The following TRIM63 variants were observed in gnomAD, a reference collection of about 807,000 sequenced individuals.
TRIM63 encodes the protein tripartite motif containing 63, also known as E3 ubiquitin-protein ligase TRIM63.
In TRIM63, 48 loss-of-function variants were observed where a neutral mutation model predicts 46.0. The ratio of observed to expected loss-of-function variants is 1.04; its 90% CI spans 0.83 to 1.33. The LOEUF (loss-of-function observed/expected upper bound fraction) is 1.33. Ranked by LOEUF, TRIM63 falls within the 40% of genes most tolerant of loss-of-function variation. The pLI is 0.00. For synonymous variants in TRIM63, 175 were observed against 162.8 expected, an observed-to-expected ratio of 1.08 and a Z score of -0.57; for missense variants, 455 against 441.2, an observed-to-expected ratio of 1.03 and a Z score of -0.28.
At chr1:26,058,227 T>TG (rs977803114) in intron 5 of TRIM63, among the ~76,000 whole-genome samples, 163 bp downstream of exon 5, 1 of 152,156 alleles carries the variant, frequency 6.6e-6, no homozygotes, top group Non-Finnish European at 1.5e-5. Flanking sequence ...AAGAGGAAGG[T>TG]GGGGGGTGTT....
At chr1:26,063,083 T>G (rs1297435027) in intron 2 of TRIM63, among the ~76,000 whole-genome samples, 4 of 151,862 alleles carry the variant, frequency 2.6e-5, no homozygotes, top group South Asian at 2.1e-4. Flanking sequence ...TTTGTTTGTT[T>G]GTTTTGAGAC....
chr1:26,058,771 T>C (rs1485801688), intron 4 of TRIM63, 148 bp from the exon 5 acceptor site: 3 of 668,862 alleles, frequency 4.5e-6, no homozygotes, highest in Non-Finnish European at 7.8e-6. Flanking sequence ...AACAAAGACT[T>C]AACAAGAAGA....
chr1:26,060,856 C>A (rs543803114), intron 3 of TRIM63, among the ~76,000 whole-genome samples: 1 of 152,226 alleles, frequency 6.6e-6, no homozygotes, highest in East Asian at 1.9e-4. Context: ...AGGTGAGAGG[C>A]ACAGGAAGAG....
intron 6 of TRIM63, 99 bp downstream of exon 6, chr1:26,057,529 G>A: frequency 6.9e-7 from 1 of 1,452,542 alleles, no homozygotes; most frequent in Non-Finnish European, 9.3e-7. Context: ...CCTAGAGTGA[G>A]ACCCTCCCAG....
At position 26,066,610 on chromosome 1, in the gene TRIM63, G is replaced by A. The variant is rs372192322; in HGVS notation, c.160-170C>T. ...CAGTCCTCACACACAGAGCACCTGA[G>A]AAGCAGCTAAGCAATCGTCAGGATG... On this transcript the variant is annotated intron_variant, in intron 1 of 8. Transcript: ENST00000374272. 1.4e-4 allele frequency among the ~76,000 whole-genome samples: 22 copies of A among 152,314 alleles called. No individual in the cohort carries two copies. The East Asian group carries it at 2.9e-3, about 20-fold the overall frequency.
At position 26,066,409 on chromosome 1, in the gene TRIM63, CT is replaced by C. The variant is rs768744104; in HGVS notation, c.190del (p.Ser64AlafsTer19). 6.2e-7 allele frequency: 1 copy of C among 1,604,660 alleles called. No homozygotes were observed. The highest frequency in any genetic ancestry group is 8.5e-7 in the Non-Finnish European group (1 of 1,174,566). On this transcript the variant is annotated frameshift_variant, in exon 2 of 9. Transcript: ENST00000374272. LOFTEE classifies it high-confidence loss of function. ...ACGGCCTCCAGACATGGACACTGAG[CT>C]GCCCCGGCTGGTCCAGTAGGGATTT... ...AANPYWTSRG[S>X]SVSMSGGRFR...
chr1:26,052,653 G>T (rs2124434294), intron 8 of TRIM63, among the ~76,000 whole-genome samples: 1 of 152,002 alleles, frequency 6.6e-6, no homozygotes, highest in East Asian at 2.0e-4. Context: ...TTTTAGTAGA[G>T]ACGGGGTTTC....
intron 8 of TRIM63, 59 bp from the exon 9 acceptor site, chr1:26,051,942 AG>A (rs2050526697): frequency 7.9e-7 from 1 of 1,271,262 alleles, no homozygotes. Flanking sequence ...GGAGGATCCA[AG>A]GCTTACCAAG....
chr1:26,053,938 C>T lies in TRIM63; in HGVS notation c.1006G>A (p.Glu336Lys). 4 of 1,593,982 alleles carry T rather than the reference C, an allele frequency of 2.5e-6. No homozygotes were observed. In the South Asian group the frequency reaches 3.4e-5, roughly 14 times the overall value. Residue 336 changes from glutamate (E) to lysine (K), a missense_variant, in exon 8 of 9, where the codon GAA (glutamate) becomes AAA (lysine). By Grantham distance (56) the Glu-to-Lys change is moderately conservative. Coordinates refer to ENST00000374272, the MANE Select transcript of TRIM63 (RefSeq NM_032588.4). ...TDEEEEEFIE[E>K]EDQEEEESTE... ...GACTCTTCCTCTTCCTGATCTTCTT[C>T]TTCAATGAATTCTTCCTCTTCCTCA...
In TRIM63 at chr1:26,060,376, G is replaced by A; in HGVS notation, c.502-15C>T. 1 of 1,609,398 alleles carries A rather than the reference G, an allele frequency of 6.2e-7. No homozygotes were observed. Among genetic ancestry groups the A allele is most frequent in the Non-Finnish European group, 8.5e-7 (1 of 1,176,088 alleles). On this transcript the variant is annotated splice_polypyrimidine_tract_variant and intron_variant, in intron 3 of 8. Transcript: ENST00000374272. ...TTCAGTTCAGTCTAGATGGGGGTGT[G>A]GGGGTCAGGAGAGGAGAGACACAAA...
intron 8 of TRIM63, among the ~76,000 whole-genome samples, 189 bp from the exon 9 acceptor site, chr1:26,052,072 A>T (rs1365429415): frequency 6.6e-6 from 1 of 152,256 alleles, no homozygotes; most frequent in Admixed American, 6.5e-5. Flanking sequence ...GTACATCAGT[A>T]CAAAACTCCA....
At chr1:26,065,704 C>G (rs2050670872) in intron 2 of TRIM63, among the ~76,000 whole-genome samples, 1 of 152,234 alleles carries the variant, frequency 6.6e-6, no homozygotes, top group South Asian at 2.1e-4. Flanking sequence ...AGACTCAGAG[C>G]TAGATTGACT....
chr1:26,064,886 A>T (rs575251879), intron 2 of TRIM63, among the ~76,000 whole-genome samples: 2 of 152,324 alleles, frequency 1.3e-5, no homozygotes, highest in African/African-American at 4.8e-5. Flanking sequence ...GCCTGCAGGC[A>T]GATGCCTTGG....
At chr1:26,056,810 T>C (rs574680849) in intron 7 of TRIM63, among the ~76,000 whole-genome samples, 18 of 151,482 alleles carry the variant, frequency 1.2e-4, no homozygotes, top group African/African-American at 4.4e-4. Flanking sequence ...TTGCCCAGGC[T>C]GGAGTGCAGT....
chr1:26,060,365 G>A lies in TRIM63; in HGVS notation c.502-4C>T. The A allele has an allele frequency of 6.2e-7, 1 of 1,613,388 alleles. No homozygotes were observed. The highest frequency in any genetic ancestry group is 1.1e-5 in the South Asian group (1 of 91,066). ...AGATACAGTTATTCAGTTCAGTCTA[G>A]ATGGGGGTGTGGGGGTCAGGAGAGG... On this transcript the variant is annotated splice_polypyrimidine_tract_variant and splice_region_variant and intron_variant, in intron 3 of 8. Coordinates refer to ENST00000374272, the MANE Select transcript of TRIM63 (RefSeq NM_032588.4).
At position 26,058,636 on chromosome 1, in the gene TRIM63, G is replaced by A. The variant is rs1423313998; in HGVS notation, c.598-13C>T. On this transcript the variant is annotated splice_polypyrimidine_tract_variant and intron_variant, in intron 4 of 8. Transcript: ENST00000374272. ...GGTGACTGTTCTCCTGAGGACGGAA[G>A]TCTTGTGGTCACGTTCTGTAGGGTC... 5 of 1,612,228 alleles carry A rather than the reference G, an allele frequency of 3.1e-6. No homozygotes were observed. Among genetic ancestry groups the A allele is most frequent in the African/African-American group, 2.7e-5 (2 of 74,872 alleles).
chr1:26,059,280 C>A (rs2124439328), intron 4 of TRIM63, among the ~76,000 whole-genome samples: 1 of 152,244 alleles, frequency 6.6e-6, no homozygotes, highest in Middle Eastern at 3.4e-3. Context: ...GCTTGACCTC[C>A]CAAAGTGCTG....
chr1:26,056,536 G>C lies in TRIM63; in HGVS notation c.979+667C>G, dbSNP rs547759552. On this transcript the variant is annotated intron_variant, in intron 7 of 8. Coordinates refer to ENST00000374272, the MANE Select transcript of TRIM63 (RefSeq NM_032588.4). ...ACTTCTAACCTGACTTTTTAAATTA[G>C]AAAATAAAACTCAGGCAGAAGGGGG... Among the ~76,000 whole-genome samples the C allele has an allele frequency of 3.3e-3, 497 of 152,180 alleles. 2 individuals carry two copies. Among genetic ancestry groups the C allele is most frequent in the Non-Finnish European group, 5.4e-3 (368 of 68,008 alleles).
chr1:26,067,271 G>T (rs2050686860), intron 1 of TRIM63, 65 bp downstream of exon 1: 7 of 1,582,378 alleles, frequency 4.4e-6, no homozygotes, highest in South Asian at 1.1e-5. Context: ...AGGGAGAAGG[G>T]TTTCATCACA....
Sources: gnomAD v4.1 joint callset for allele counts (sites outside exome capture counted in the v4.1 genomes callset) on GRCh38, gnomAD v4.1.1 for gene constraint, MANE v1.5 for transcripts, NCBI Gene and HGNC (gene_info 2026-07-23, HGNC 2026-07-21) for gene names.